Variants in BMPER observed in about 807,000 individuals in gnomAD.
BMPER encodes the protein BMP binding endothelial regulator.
A neutral mutation model predicts 87.3 loss-of-function variants in BMPER; 45 were observed. That is an observed-to-expected ratio of 0.52 (90% CI 0.41 to 0.66). BMPER has a LOEUF of 0.66. BMPER is among the 30% of genes least tolerant of loss of function. The probability of loss-of-function intolerance (pLI) is 0.00; values close to 1 mark genes in which losing one functional copy is unlikely to be tolerated. For synonymous variants in BMPER, 326 were observed against 316.2 expected (o/e 1.03, Z -0.33); for missense variants, 784 against 867.5 (o/e 0.90, Z 1.21).
intron 8 of BMPER, among the ~76,000 whole-genome samples, chr7:34,054,326 C>T (rs187179823): frequency 3.9e-5 from 6 of 152,140 alleles, no homozygotes; most frequent in African/African-American, 1.2e-4. Context: ...GGGAGATCTA[C>T]GGTGAAATAT....
At chr7:34,001,351 C>T (rs545834678) in intron 6 of BMPER, among the ~76,000 whole-genome samples, 1 of 151,940 alleles carries the variant, frequency 6.6e-6, no homozygotes, top group East Asian at 1.9e-4. Context: ...CTTCATATGG[C>T]ATGAATATGA....
At position 33,990,730 on chromosome 7, in the gene BMPER, C is replaced by T. The variant is rs775009707; in HGVS notation, c.576+15946C>T. On this transcript the variant is annotated intron_variant, in intron 6 of 14. Coordinates refer to ENST00000649409, the MANE Select transcript of BMPER (RefSeq NM_001365308.1). ...GGAGTGCTTCCAGTTTTTGCCCATT[C>T]AGTATGATATTGGCTGTGGGTTTGT... Among the ~76,000 whole-genome samples the T allele has an allele frequency of 5.2e-3, 679 of 131,290 alleles. 11 individuals carry two copies. The highest frequency in any genetic ancestry group is 8.0e-3 in the Non-Finnish European group (493 of 61,590). 86.1% of individuals were successfully genotyped at this position (131,290 alleles called of 152,430 possible). A position where few individuals can be genotyped will look rare whatever the true frequency, so the allele number is the denominator to read the frequency against.
intron 13 of BMPER, among the ~76,000 whole-genome samples, chr7:34,099,670 C>A (rs1789625369): frequency 6.6e-6 from 1 of 152,126 alleles, no homozygotes; most frequent in Admixed American, 6.5e-5. Flanking sequence ...TCATGTGTGA[C>A]CCTGCTATAG....
chr7:33,994,712 A>G (rs531411332), intron 6 of BMPER, among the ~76,000 whole-genome samples: 78 of 152,266 alleles, frequency 5.1e-4, no homozygotes, highest in African/African-American at 1.7e-3. Context: ...GATGGATTCT[A>G]TGTGCCATGG....
chr7:34,111,163 T>C (rs757639), intron 13 of BMPER, among the ~76,000 whole-genome samples: 115,575 of 151,916 alleles, frequency 0.76, 44,597 homozygotes, highest in East Asian at 0.95. Context: ...CTTTTTATTA[T>C]TTTTTCGTAA....
intron 4 of BMPER, among the ~76,000 whole-genome samples, chr7:33,966,929 G>A (rs1391621691): frequency 1.3e-5 from 2 of 152,194 alleles, no homozygotes; most frequent in African/African-American, 4.8e-5. Context: ...AAGGATGTAT[G>A]TTTCACTTCT....
rs552848628 is a variant in BMPER at position 34,059,153 on chromosome 7, A to G, written c.1032+990A>G. Among the ~76,000 whole-genome samples, 41 of 152,314 alleles carry G rather than the reference A, an allele frequency of 2.7e-4. No homozygotes were observed. The South Asian group carries it at 6.2e-3, about 23-fold the overall frequency. ...GAACATGGTCTGCTTATAAATATTC[A>G]TTGGGAAAAATGGGATCACATCATT... On this transcript the variant is annotated intron_variant, in intron 10 of 14. Coordinates refer to ENST00000649409, the MANE Select transcript of BMPER (RefSeq NM_001365308.1).
At chr7:34,071,955 A>G (rs1410502393) in intron 11 of BMPER, among the ~76,000 whole-genome samples, 1 of 152,180 alleles carries the variant, frequency 6.6e-6, no homozygotes. Context: ...TCAGATTATC[A>G]AAGAGCTCTG....
chr7:34,028,769 A>G (rs942531980), intron 6 of BMPER, among the ~76,000 whole-genome samples: 4 of 151,646 alleles, frequency 2.6e-5, no homozygotes, highest in Non-Finnish European at 4.4e-5. Flanking sequence ...CGTGGGTTCT[A>G]CTCACCTGAA....
chr7:34,017,957 A>G (rs1585741396), intron 6 of BMPER, among the ~76,000 whole-genome samples: 1 of 150,632 alleles, frequency 6.6e-6, no homozygotes, highest in Non-Finnish European at 1.5e-5. Context: ...AAAAATACTT[A>G]AACTTGTCCA....
intron 6 of BMPER, among the ~76,000 whole-genome samples, chr7:33,977,698 G>A (rs10273145): frequency 3.9e-4 from 60 of 152,136 alleles, no homozygotes; most frequent in African/African-American, 1.2e-3. Context: ...CATGTATATA[G>A]TATTTATGTG....
chr7:34,075,061 C>T (rs1271347666), intron 11 of BMPER, among the ~76,000 whole-genome samples: 1 of 151,760 alleles, frequency 6.6e-6, no homozygotes, highest in East Asian at 1.9e-4. Context: ...TTTTCTTTGA[C>T]AGATGTTTTG....
At chr7:34,101,318 GCAAAGGCACACCAGTCT>G (rs1160731174) in intron 13 of BMPER, among the ~76,000 whole-genome samples, 10 of 152,326 alleles carry the variant, frequency 6.6e-5, no homozygotes, top group Non-Finnish European at 1.0e-4. Context: ...CCTGCAGGGA[GCAAAGGCACACCAGTCT>G]CAGGTGTACG....
intron 11 of BMPER, among the ~76,000 whole-genome samples, chr7:34,071,349 G>A (rs1189067704): frequency 6.6e-6 from 1 of 152,154 alleles, no homozygotes; most frequent in African/African-American, 2.4e-5. Context: ...CACCCGGCAA[G>A]GTAATTGTTC....
At chr7:34,018,411 A>C (rs1181373540) in intron 6 of BMPER, among the ~76,000 whole-genome samples, 1 of 151,936 alleles carries the variant, frequency 6.6e-6, no homozygotes, top group African/African-American at 2.4e-5. Flanking sequence ...AAAAATAGGC[A>C]AGCAGATATC....
intron 11 of BMPER, among the ~76,000 whole-genome samples, chr7:34,070,921 A>T (rs1048496277): frequency 6.6e-6 from 1 of 151,200 alleles, no homozygotes; most frequent in Admixed American, 6.6e-5. Context: ...TTTGGAATAC[A>T]TTTAAACTTC....
At chr7:33,913,008 A>G (rs1026286718) in intron 2 of BMPER, among the ~76,000 whole-genome samples, 1 of 152,342 alleles carries the variant, frequency 6.6e-6, no homozygotes, top group Admixed American at 6.5e-5. Context: ...GACCAACAGG[A>G]CAGATTCTTG....
intron 13 of BMPER, among the ~76,000 whole-genome samples, chr7:34,092,858 A>G (rs1472832174): frequency 6.6e-6 from 1 of 152,272 alleles, no homozygotes; most frequent in Non-Finnish European, 1.5e-5. Context: ...TCTTATGTTT[A>G]ATTTTTCATC....
At chr7:34,072,366 G>A (rs1788758367) in intron 11 of BMPER, among the ~76,000 whole-genome samples, 1 of 152,056 alleles carries the variant, frequency 6.6e-6, no homozygotes, top group African/African-American at 2.4e-5. Flanking sequence ...TCTGAAAAGG[G>A]TCTCAGTGGG....
Sources: gnomAD v4.1 joint callset for allele counts (sites outside exome capture counted in the v4.1 genomes callset) on GRCh38, gnomAD v4.1.1 for gene constraint, MANE v1.5 for transcripts, NCBI Gene and HGNC (gene_info 2026-07-23, HGNC 2026-07-21) for gene names.